Variants in PCLO observed in about 807,000 individuals in gnomAD.
PCLO encodes the protein piccolo presynaptic cytomatrix protein, also known as protein piccolo.
Under a neutral mutation model 427.5 loss-of-function variants are expected in PCLO, and 82 were observed. That is an observed-to-expected ratio of 0.19 (90% CI 0.16 to 0.23). The LOEUF (loss-of-function observed/expected upper bound fraction) is 0.23, where lower values mean the gene tolerates loss of function less well. PCLO is among the 10% of genes least tolerant of loss of function. The pLI, the probability that PCLO is intolerant of heterozygous loss-of-function variation, is 1.00. For missense variants in PCLO, 6,239 were observed against 6,115.9 expected (o/e 1.02, Z -0.67); for synonymous variants, 2,357 against 2,155.4 (o/e 1.09, Z -2.59).
chr7:82,805,525 C>T (rs985406125), intron 21 of PCLO, among the ~76,000 whole-genome samples, 163 bp downstream of exon 21: 34 of 152,288 alleles, frequency 2.2e-4, no homozygotes, highest in African/African-American at 7.7e-4. Flanking sequence ...ATTATCCAAT[C>T]TTTCTTGAAC....
At chr7:83,042,082 A>T (rs1363889605) in intron 3 of PCLO, among the ~76,000 whole-genome samples, 1 of 152,144 alleles carries the variant, frequency 6.6e-6, no homozygotes, top group Non-Finnish European at 1.5e-5. Context: ...GAGTTGATTT[A>T]AAACATTTGT....
Position 82,954,600 on chromosome 7 carries a change from T to C in PCLO, c.6353A>G (p.Asp2118Gly), listed in dbSNP as rs1288607912. ...SSVLSGASLT[D>G]STSSATLSIP... is the part of the protein sequence containing the mutation. The stretch of plus-strand genomic sequence containing the variant: ...AGAGAGTGTTGCACTGCTGGTCGAA[T>C]CTGTAAGAGACGCTCCTGAGAGAAC... The change falls in exon 5 of 25, where the codon GAT becomes GGT. Residue 2118 changes from aspartate (D) to glycine (G), a missense_variant. Asp to Gly is a moderately conservative substitution (Grantham distance 94). Transcript: ENST00000333891. The C allele has an allele frequency of 1.2e-6, 2 of 1,613,836 alleles. No individual in the cohort carries two copies. Among genetic ancestry groups the C allele is most frequent in the Admixed American group, 1.7e-5 (1 of 59,998 alleles).
chr7:82,931,432 G>A (rs1794838404), intron 6 of PCLO, among the ~76,000 whole-genome samples: 1 of 152,064 alleles, frequency 6.6e-6, no homozygotes, highest in Non-Finnish European at 1.5e-5. Context: ...TTTTCTGTGG[G>A]TCAGCAATCT....
chr7:83,055,823 C>CTTCCAA (rs916135770), intron 3 of PCLO, among the ~76,000 whole-genome samples: 1 of 152,050 alleles, frequency 6.6e-6, no homozygotes, highest in Non-Finnish European at 1.5e-5. Context: ...TTAAATATTT[C>CTTCCAA]TTCCAAATGT....
chr7:82,960,862 G>C (rs892735792), intron 4 of PCLO, among the ~76,000 whole-genome samples: 6 of 152,070 alleles, frequency 3.9e-5, no homozygotes, highest in African/African-American at 1.2e-4. Flanking sequence ...AGCAGTGAGG[G>C]TTGCTAAGAG....
rs1264262698 is a variant in PCLO at position 82,794,535 on chromosome 7, G to A, written c.15007+6983C>T. ...CATCCAGGCTAGAGTGCAGTGGCAC[G>A]ACCTCGGCTCACTGCACCCTCTGCC... On this transcript the variant is annotated intron_variant, in intron 22 of 24. Coordinates refer to ENST00000333891, the MANE Select transcript of PCLO (RefSeq NM_033026.6). Among the ~76,000 whole-genome samples, 7 of 127,696 alleles carry A rather than the reference G, an allele frequency of 5.5e-5. No homozygotes were observed. The East Asian group carries it at 1.4e-3, about 26-fold the overall frequency. 83.8% of individuals were successfully genotyped at this position (127,696 alleles called of 152,430 possible).
At chr7:82,939,933 A>G (rs916464903) in intron 6 of PCLO, among the ~76,000 whole-genome samples, 2 of 151,928 alleles carry the variant, frequency 1.3e-5, no homozygotes, top group African/African-American at 4.8e-5. Flanking sequence ...TTTGGTTAAA[A>G]GATGGTAAAT....
At chr7:82,794,459 C>CTTTTTTTTTTTTTTTGTTTTT (rs1791179953) in intron 22 of PCLO, among the ~76,000 whole-genome samples, 1 of 56,350 alleles carries the variant, frequency 1.8e-5, no homozygotes, top group Non-Finnish European at 4.1e-5. Flanking sequence ...AATTTTTTTT[C>CTTTTTTTTTTTTTTTGTTTTT]TTTTTTTTTT....
chr7:82,783,841 C>G (rs963569185), intron 22 of PCLO, among the ~76,000 whole-genome samples: 3 of 151,870 alleles, frequency 2.0e-5, no homozygotes, highest in Non-Finnish European at 4.4e-5. Flanking sequence ...TTGCTTCTCT[C>G]TCTCTTACCC....
intron 8 of PCLO, among the ~76,000 whole-genome samples, chr7:82,905,026 A>C (rs1205538410): frequency 6.6e-6 from 1 of 152,048 alleles, no homozygotes; most frequent in African/African-American, 2.4e-5. Flanking sequence ...CAGAGGGTGA[A>C]TGTTGAGAGA....
rs1344434264 is a variant in PCLO, at chr7:83,162,542, C to T, written c.51G>A (p.Ala17=). ...LEGEGLPEGL[A]AAAAAGGGAS... is the part of the protein sequence containing the mutation. Reference sequence around the variant, plus strand: ...CTCCTCCTCCAGCCGCTGCGGCCGCCGCCAGCCCTTCGGGGAGCCCTTCCC... The same window carrying T: ...CTCCTCCTCCAGCCGCTGCGGCCGCTGCCAGCCCTTCGGGGAGCCCTTCCC... The change falls in exon 1 of 25, where the codon GCG becomes GCA. Residue 17 remains alanine (A), a synonymous_variant. Coordinates refer to ENST00000333891, the MANE Select transcript of PCLO (RefSeq NM_033026.6). The T allele has an allele frequency of 9.0e-6, 14 of 1,553,802 alleles. No homozygotes were observed. The highest frequency in any genetic ancestry group is 3.5e-6 in the Non-Finnish European group (4 of 1,150,012).
At chr7:83,160,263 T>C (rs1014086310) in intron 1 of PCLO, among the ~76,000 whole-genome samples, 1 of 152,190 alleles carries the variant, frequency 6.6e-6, no homozygotes, top group African/African-American at 2.4e-5. Context: ...TAATTTGCTA[T>C]GAGTTGGTCA....
In PCLO at chr7:83,155,388, G is replaced by C. The variant is rs762705620; in HGVS notation, c.1253C>G (p.Pro418Arg). 6.2e-7 allele frequency: 1 copy of C among 1,613,862 alleles called. No homozygotes were observed. The highest frequency in any genetic ancestry group is 1.3e-5 in the African/African-American group (1 of 75,000). ...CCCAGGTTGTTGAGCTAGGGGTTTT[G>C]GTGTCCCCACCTGCTGGGTTGGAGG... ...AKPPTQQVGT[P>R]KPLAQQPGLQ... is the part of the protein sequence containing the mutation. Residue 418 changes from proline (P) to arginine (R), a missense_variant, in exon 2 of 25, where the codon CCA becomes CGA. By Grantham distance (103) the Pro-to-Arg change is moderately radical (BLOSUM62 -2). Around this residue, in one of 5 missense-constraint regions of PCLO, gnomAD observed 4,677 missense variants for 4,468.4 expected, o/e 1.05. Coordinates refer to ENST00000333891, the MANE Select transcript of PCLO (RefSeq NM_033026.6).
chr7:82,776,082 A>C (rs2129467955), intron 22 of PCLO, among the ~76,000 whole-genome samples: 1 of 152,274 alleles, frequency 6.6e-6, no homozygotes, highest in Non-Finnish European at 1.5e-5. Flanking sequence ...TGATTTAGTC[A>C]GTTTTTCTAT....
At chr7:82,805,874 C>A in intron 20 of PCLO, 45 bp from the exon 21 acceptor site, 1 of 1,555,100 alleles carries the variant, frequency 6.4e-7, no homozygotes, top group Non-Finnish European at 8.7e-7. Context: ...ATAAATGAAG[C>A]TGACATTGAT....
At chr7:83,160,366 T>A (rs2116706712) in intron 1 of PCLO, among the ~76,000 whole-genome samples, 1 of 152,272 alleles carries the variant, frequency 6.6e-6, no homozygotes, top group East Asian at 1.9e-4. Context: ...CTTCAAATAA[T>A]TTGTGTATGC....
chr7:83,048,880 T>C (rs1312833533), intron 3 of PCLO, among the ~76,000 whole-genome samples: 4 of 152,196 alleles, frequency 2.6e-5, no homozygotes, highest in Non-Finnish European at 5.9e-5. Context: ...TACACTTACT[T>C]GGCTATTTAA....
At chr7:82,811,714 T>TG (rs1791575947) in intron 20 of PCLO, among the ~76,000 whole-genome samples, 1 of 151,546 alleles carries the variant, frequency 6.6e-6, no homozygotes, top group South Asian at 2.1e-4. Context: ...TAAAGCAAAC[T>TG]GGACACTAGA....
At position 82,952,225 on chromosome 7, in the gene PCLO, C is replaced by T. The variant is rs547500251; in HGVS notation, c.8728G>A (p.Val2910Ile). 47 of 1,613,772 alleles carry T rather than the reference C, an allele frequency of 2.9e-5. No individual in the cohort carries two copies. Among genetic ancestry groups the T allele is most frequent in the African/African-American group, 4.0e-5 (3 of 75,034 alleles). ...CTTGAAGTAGACTCATCCATTGTTACGACTGTTCTGTGAGACTTGGTTGTA... is the reference window on the plus strand; with the variant it reads ...CTTGAAGTAGACTCATCCATTGTTATGACTGTTCTGTGAGACTTGGTTGTA... ...LSTTKSHRTVVTMDESTSSVM... is the reference protein window; with the variant it reads ...LSTTKSHRTVITMDESTSSVM... The change falls in exon 5 of 25, where the codon GTA (valine) becomes ATA (isoleucine). Residue 2910 changes from valine (V) to isoleucine (I), a missense_variant. Coordinates refer to ENST00000333891, the MANE Select transcript of PCLO (RefSeq NM_033026.6).
Sources: allele counts gnomAD v4.1 joint callset (sites outside exome capture counted in the v4.1 genomes callset), GRCh38; gene constraint gnomAD v4.1.1; regional missense constraint gnomAD v4.1.1; transcripts MANE v1.5; gene names NCBI Gene and HGNC (gene_info 2026-07-23, HGNC 2026-07-21).